TBC1D9: variants seen among roughly 807,000 people sequenced by gnomAD.
TBC1D9 encodes the protein TBC1 domain family member 9, also known as TBC1 domain family member 9A.
A neutral mutation model predicts 132.0 loss-of-function variants in TBC1D9; 63 were observed. The ratio of observed to expected loss-of-function variants is 0.48; its 90% CI spans 0.39 to 0.59. The LOEUF (loss-of-function observed/expected upper bound fraction) is 0.59. Among genes scored for constraint, TBC1D9 ranks in the 20% least tolerant of loss-of-function variants. The pLI, the probability that TBC1D9 is intolerant of heterozygous loss-of-function variation, is 0.00. For missense variants in TBC1D9, 1,261 were observed against 1,592.7 expected (o/e 0.79, Z 3.54); for synonymous variants, 610 against 609.9 (o/e 1.00, Z 0.00).
chr4:140,694,197 T>C (rs1339372762), intron 2 of TBC1D9, among the ~76,000 whole-genome samples: 1 of 152,146 alleles, frequency 6.6e-6, no homozygotes, highest in Non-Finnish European at 1.5e-5. Flanking sequence ...AATACAGTAA[T>C]AGTAGGGGAA....
chr4:140,662,698 A>G (rs1200922192), intron 9 of TBC1D9, among the ~76,000 whole-genome samples: 1 of 152,134 alleles, frequency 6.6e-6, no homozygotes, highest in Admixed American at 6.5e-5. Context: ...GAAGTTCCTC[A>G]GGTGTTGGGG....
intron 9 of TBC1D9, among the ~76,000 whole-genome samples, chr4:140,666,436 C>T (rs1487694228): frequency 2.6e-5 from 4 of 152,246 alleles, no homozygotes; most frequent in Admixed American, 6.5e-5. Flanking sequence ...CCCGGGTTCA[C>T]GCCATTCTCC....
At chr4:140,651,089 A>G (rs1003986064) in intron 13 of TBC1D9, among the ~76,000 whole-genome samples, 1 of 152,222 alleles carries the variant, frequency 6.6e-6, no homozygotes, top group African/African-American at 2.4e-5. Flanking sequence ...TAGGTAAAAC[A>G]ATTAGTATGG....
At chr4:140,632,262 G>GTT (rs11375011) in intron 16 of TBC1D9, among the ~76,000 whole-genome samples, 28,318 of 147,278 alleles carry the variant, frequency 0.19, 3,281 homozygotes, top group African/African-American at 0.33. Flanking sequence ...TTGCCCAAAG[G>GTT]TTTTTTTTTT....
chr4:140,627,850 C>G (rs1489196138), intron 17 of TBC1D9, among the ~76,000 whole-genome samples: 1 of 152,174 alleles, frequency 6.6e-6, no homozygotes, highest in Non-Finnish European at 1.5e-5. Context: ...ATTCCCAAAT[C>G]TAGTTTTATC....
At position 140,628,207 on chromosome 4, in the gene TBC1D9, T is replaced by C. The variant is rs749463750; in HGVS notation, c.2812+93A>G. On this transcript the variant is annotated intron_variant, in intron 17 of 20. Transcript: ENST00000442267. ...AGTGACTCATGAATGATGGTGTATA[T>C]CAAAAAGAGGACGATCAGGTTACAC... 783 of 1,060,634 alleles carry C rather than the reference T, an allele frequency of 7.4e-4. 1 individual carries two copies. Among genetic ancestry groups the C allele is most frequent in the Non-Finnish European group, 1.0e-3 (710 of 687,632 alleles). The allele number at this position is 1,060,634 out of a possible 1,614,324, so 65.7% of individuals were successfully genotyped here.
At chr4:140,737,526 G>GAAACT (rs1242141099) in intron 1 of TBC1D9, among the ~76,000 whole-genome samples, 1 of 151,130 alleles carries the variant, frequency 6.6e-6, no homozygotes, top group Non-Finnish European at 1.5e-5. Context: ...CCCACAATAA[G>GAAACT]AAACTAAGAG....
chr4:140,684,934 A>G (rs1486661660), intron 3 of TBC1D9, among the ~76,000 whole-genome samples: 1 of 152,122 alleles, frequency 6.6e-6, no homozygotes, highest in Non-Finnish European at 1.5e-5. Flanking sequence ...AATTAAGTCC[A>G]GTAATGAAAC....
At position 140,670,877 on chromosome 4, in the gene TBC1D9, A is replaced by C; in HGVS notation, c.1109T>G (p.Leu370Ter). ...ADSSSVLPSPLSISTRNRMTF... is the reference protein window; with the variant it reads ...ADSSSVLPSP ...CATCCTGTTTCGGGTGCTGATGGAT[A>C]AGGGACTGGGGAGCACACTGGAGCT... Residue 370 changes from leucine (L) to a stop codon, truncating the protein, a stop_gained, in exon 7 of 21, where the codon TTA (leucine) becomes TGA (stop). Transcript: ENST00000442267. LOFTEE classifies it high-confidence loss of function. The C allele has an allele frequency of 6.2e-7, 1 of 1,614,020 alleles. No individual in the cohort carries two copies. The highest frequency in any genetic ancestry group is 8.5e-7 in the Non-Finnish European group (1 of 1,179,894).
At position 140,662,071 on chromosome 4, in the gene TBC1D9, T is replaced by C. The variant is rs1737370062; in HGVS notation, c.1625A>G (p.Tyr542Cys). 6.2e-7 allele frequency: 1 copy of C among 1,613,834 alleles called. No homozygotes were observed. Among genetic ancestry groups the C allele is most frequent in the African/African-American group, 1.3e-5 (1 of 74,912 alleles). The change falls in exon 10 of 21, where the codon TAT (tyrosine) becomes TGT (cysteine). Residue 542 changes from tyrosine to cysteine, a missense_variant. Tyr to Cys is a radical substitution (Grantham distance 194). Around this residue, in one of 3 missense-constraint regions of TBC1D9, gnomAD observed 550 missense variants for 699.0 expected, o/e 0.79. Coordinates refer to ENST00000442267, the MANE Select transcript of TBC1D9 (RefSeq NM_015130.3). ...CATGGACTTCTCCACTAGGTCTTCA[T>C]AGTACCCAGGATGTGTGGCCTTCTC... ...INEKATHPGY[Y>C]EDLVEKSMGK... is the part of the protein sequence containing the mutation.
rs185110080 is a variant in TBC1D9 at position 140,638,022 on chromosome 4, A to G, written c.2505+1064T>C. Among the ~76,000 whole-genome samples, 125 of 152,338 alleles carry G rather than the reference A, an allele frequency of 8.2e-4. 1 individual carries two copies. The highest frequency in any genetic ancestry group is 6.4e-3 in the East Asian group (33 of 5,184). ...AGGCACTAGTGACACCAACATAAATAAAACAGTGGTGCCCTCCAGTGGTGA... is the reference window on the plus strand; with the variant it reads ...AGGCACTAGTGACACCAACATAAATGAAACAGTGGTGCCCTCCAGTGGTGA... On this transcript the variant is annotated intron_variant, in intron 15 of 20. Coordinates refer to ENST00000442267, the MANE Select transcript of TBC1D9 (RefSeq NM_015130.3).
intron 1 of TBC1D9, among the ~76,000 whole-genome samples, chr4:140,741,855 C>T (rs1308235064): frequency 6.6e-6 from 1 of 152,168 alleles, no homozygotes; most frequent in African/African-American, 2.4e-5. Flanking sequence ...CTATTGATTC[C>T]AAGTCTTTAG....
Position 140,657,511 on chromosome 4 carries a change from A to G in TBC1D9, c.2207+16T>C. The G allele has an allele frequency of 1.9e-6, 3 of 1,594,180 alleles. No homozygotes were observed. The highest frequency in any genetic ancestry group is 2.6e-6 in the Non-Finnish European group (3 of 1,169,510). ...AAAACCGGAGATGGTTTTCAAAGTT[A>G]GGCTTAGTACAATACCTTCCCAAAA... On this transcript the variant is annotated intron_variant, in intron 12 of 20. Coordinates refer to ENST00000442267, the MANE Select transcript of TBC1D9 (RefSeq NM_015130.3).
chr4:140,663,163 A>T (rs1737391682), intron 9 of TBC1D9, among the ~76,000 whole-genome samples: 1 of 152,206 alleles, frequency 6.6e-6, no homozygotes, highest in Admixed American at 6.5e-5. Context: ...GGGTCAATAT[A>T]CAAAATATAT....
chr4:140,748,271 A>G (rs779741676), intron 1 of TBC1D9, among the ~76,000 whole-genome samples: 2 of 152,210 alleles, frequency 1.3e-5, no homozygotes, highest in Non-Finnish European at 2.9e-5. Flanking sequence ...GATTAAATAT[A>G]GTTAAGGAGA....
intron 1 of TBC1D9, among the ~76,000 whole-genome samples, chr4:140,740,058 A>G (rs1487498431): frequency 6.6e-6 from 1 of 152,210 alleles, no homozygotes; most frequent in African/African-American, 2.4e-5. Context: ...CATTTCTGAC[A>G]TCACCTCATG....
chr4:140,741,473 T>C (rs1247273364), intron 1 of TBC1D9, among the ~76,000 whole-genome samples: 1 of 152,064 alleles, frequency 6.6e-6, no homozygotes, highest in Non-Finnish European at 1.5e-5. Flanking sequence ...TCCCAGCAAT[T>C]TGGGAGGCTG....
At chr4:140,701,922 T>C (rs929667206) in intron 1 of TBC1D9, among the ~76,000 whole-genome samples, 2 of 152,206 alleles carry the variant, frequency 1.3e-5, no homozygotes, top group African/African-American at 2.4e-5. Context: ...CAAACACTAA[T>C]TAAATTCCTA....
At chr4:140,724,763 A>G (rs560999823) in intron 1 of TBC1D9, among the ~76,000 whole-genome samples, 1 of 152,342 alleles carries the variant, frequency 6.6e-6, no homozygotes, top group South Asian at 2.1e-4. Flanking sequence ...GCAAAGAGCA[A>G]GTACAATTTA....
Sources: gnomAD v4.1 joint callset for allele counts (sites outside exome capture counted in the v4.1 genomes callset) on GRCh38, gnomAD v4.1.1 for gene constraint, gnomAD v4.1.1 regional missense constraint, MANE v1.5 for transcripts, NCBI Gene and HGNC (gene_info 2026-07-23, HGNC 2026-07-21) for gene names.